Variants in ZSCAN30 observed in about 807,000 individuals in gnomAD.
ZSCAN30 encodes the protein zinc finger and SCAN domain-containing protein 30.
A neutral mutation model predicts 44.3 loss-of-function variants in ZSCAN30; 37 were observed. That is an observed-to-expected ratio of 0.84 (90% CI 0.64 to 1.10). The LOEUF (loss-of-function observed/expected upper bound fraction) is 1.10. ZSCAN30 is among the 50% of genes least tolerant of loss of function. The pLI, the probability that ZSCAN30 is intolerant of heterozygous loss-of-function variation, is 0.00. For missense variants in ZSCAN30, 549 were observed against 582.6 expected, an observed-to-expected ratio of 0.94 and a Z score of 0.59; for synonymous variants, 181 against 204.6, an observed-to-expected ratio of 0.88 and a Z score of 0.98.
chr18:35,280,917 T>C (rs1569083469), intron 1 of ZSCAN30: 1 of 152,234 alleles, frequency 6.6e-6, no homozygotes, highest in South Asian at 2.1e-4. Context: ...CTTGTGAAAA[T>C]TGTTTACACA....
rs376385696 is a variant in ZSCAN30, at chr18:35,253,564, G to C, written c.1371C>G (p.Thr457=). The C allele has an allele frequency of 4.6e-5, 75 of 1,613,836 alleles. No homozygotes were observed. In the African/African-American group the frequency reaches 9.6e-4, roughly 21 times the overall value. ...CTCCAGTGTGAATTCTCTGGTGCTG[G>C]GTGAGGGCTGAGCTCTGATTGAAGG... The part of the protein sequence containing the change: ...GKSFNQSSAL[T]QHQRIHTGEK... The change falls in exon 4 of 4, where the codon ACC becomes ACG. Residue 457 remains threonine, a synonymous_variant. Transcript: ENST00000333206.
intron 3 of ZSCAN30, chr18:35,258,991 T>TA (rs2043943477): frequency 6.6e-6 from 1 of 151,182 alleles, no homozygotes; most frequent in African/African-American, 2.5e-5. Flanking sequence ...ATGAATAAAT[T>TA]AAAGTTGGGA....
At chr18:35,271,659 TC>T (rs1244410945) in intron 1 of ZSCAN30, among the ~76,000 whole-genome samples, 1 of 152,234 alleles carries the variant, frequency 6.6e-6, no homozygotes, top group African/African-American at 2.4e-5. Flanking sequence ...CCTGCACTCC[TC>T]AGCCCTTGGG....
rs559718297 is a variant in ZSCAN30 at position 35,253,327 on chromosome 18, A to C, written c.*123T>G. 4 of 692,572 alleles carry C rather than the reference A, an allele frequency of 5.8e-6. No homozygotes were observed. The South Asian group carries it at 9.7e-5, about 17-fold the overall frequency. 42.9% of individuals were successfully genotyped at this position (692,572 alleles called of 1,614,324 possible). ...AACATCTTTGTGTGCATGTCTTCTT[A>C]TAGTACCGAACTGGGAGGGAAGGAC... On this transcript the variant is annotated 3_prime_UTR_variant, in exon 4 of 4. Coordinates refer to ENST00000333206, the MANE Select transcript of ZSCAN30 (RefSeq NM_001112734.4).
chr18:35,271,865 G>A (rs917427155), intron 1 of ZSCAN30, among the ~76,000 whole-genome samples: 6 of 152,180 alleles, frequency 3.9e-5, no homozygotes, highest in Admixed American at 6.5e-5. Context: ...GGGACCCCGC[G>A]CCCCCTCCGC....
At chr18:35,281,879 G>T (rs2044461685) in intron 1 of ZSCAN30, 1 of 149,638 alleles carries the variant, frequency 6.7e-6, no homozygotes, top group South Asian at 2.1e-4. Flanking sequence ...CATCTGAGCT[G>T]TCAACTTGGA....
At position 35,281,304 on chromosome 18, in the gene ZSCAN30, T is replaced by A. The variant is rs781733217; in HGVS notation, c.-104+8780A>T. On this transcript the variant is annotated intron_variant, in intron 1 of 3. Coordinates refer to ENST00000333206, the MANE Select transcript of ZSCAN30 (RefSeq NM_001112734.4). The stretch of plus-strand genomic sequence containing the variant: ...ACTTCATTGAGAGGAACTTCTTCAG[T>A]GTCAGCTGATATGGACCATAGTTGG... 3.9e-5 allele frequency: 6 copies of A among 152,194 alleles called. No homozygotes were observed. In the East Asian group the frequency reaches 1.2e-3, roughly 29 times the overall value. The allele number at this position is 152,194 out of a possible 1,614,324, so 9.4% of individuals were successfully genotyped here. A position where few individuals can be genotyped will look rare whatever the true frequency, so the allele number is the denominator to read the frequency against.
chr18:35,259,918 C>T (rs8088951), intron 3 of ZSCAN30, among the ~76,000 whole-genome samples: 2,676 of 152,280 alleles, frequency 0.018, 95 homozygotes, highest in African/African-American at 0.062. Flanking sequence ...AGGTTTGTTA[C>T]GTAGGTAAAT....
rs1415787703 is a variant in ZSCAN30 at position 35,253,841 on chromosome 18, G to T, written c.1094C>A (p.Ala365Asp). The change falls in exon 4 of 4, where the codon GCC (alanine) becomes GAC (aspartate). Residue 365 changes from alanine (A) to aspartate (D), a missense_variant. Coordinates refer to ENST00000333206, the MANE Select transcript of ZSCAN30 (RefSeq NM_001112734.4). Reference sequence around the variant, plus strand: ...GATGAGCTCTGAACTGCCCCTGAAGGCTTTTCCACATTCACAACATTCATA... The same window carrying T: ...GATGAGCTCTGAACTGCCCCTGAAGTCTTTTCCACATTCACAACATTCATA... ...KPYECCECGK[A>D]FRGSSELIRH... 6.2e-7 allele frequency: 1 copy of T among 1,613,992 alleles called. No individual in the cohort carries two copies. The highest frequency in any genetic ancestry group is 1.7e-5 in the Admixed American group (1 of 59,986).
chr18:35,251,340 T>C lies in ZSCAN30; in HGVS notation c.*2110A>G, dbSNP rs1330649247. ...AGGAGAAAAACCTATTATATGATAC[T>C]TAAAACATTAAATCTCTGATTGTCA... On this transcript the variant is annotated 3_prime_UTR_variant, in exon 4 of 4. Coordinates refer to ENST00000333206, the MANE Select transcript of ZSCAN30 (RefSeq NM_001112734.4). The C allele has an allele frequency of 1.3e-5, 2 of 152,204 alleles. No homozygotes were observed. The highest frequency in any genetic ancestry group is 3.8e-4 in the East Asian group (2 of 5,200). The allele number at this position is 152,204 out of a possible 1,614,324, so 9.4% of individuals were successfully genotyped here.
chr18:35,257,177 T>C (rs2043857685), intron 3 of ZSCAN30: 4 of 152,274 alleles, frequency 2.6e-5, no homozygotes, highest in Non-Finnish European at 5.9e-5. Flanking sequence ...AATTCCATCC[T>C]GTTTAGTTTA....
Position 35,264,004 on chromosome 18 carries a change from C to T in ZSCAN30, c.349G>A (p.Glu117Lys), listed in dbSNP as rs1454079110. The change falls in exon 2 of 4, where the codon GAG (glutamate) becomes AAG (lysine). Residue 117 changes from glutamate to lysine, a missense_variant. Transcript: ENST00000333206. ...WLREHRPENG[E>K]EAVTMLEELE... ...TCCTCCAGCATAGTCACAGCTTCCT[C>T]TCCATTCTCTGGCCGATGCTCTCGC... is the stretch of plus-strand genomic sequence containing the variant. 1.2e-6 allele frequency: 2 copies of T among 1,614,238 alleles called. No individual in the cohort carries two copies. The highest frequency in any genetic ancestry group is 2.2e-5 in the South Asian group (2 of 91,086).
At chr18:35,276,723 A>G (rs988534470) in intron 1 of ZSCAN30, among the ~76,000 whole-genome samples, 8 of 152,258 alleles carry the variant, frequency 5.3e-5, no homozygotes, top group African/African-American at 1.9e-4. Context: ...CTGCAGGGGC[A>G]GAGTCCTCAT....
chr18:35,254,772 T>A (rs959052089), intron 3 of ZSCAN30, among the ~76,000 whole-genome samples: 1 of 152,170 alleles, frequency 6.6e-6, no homozygotes, highest in Admixed American at 6.5e-5. Context: ...TAAAGAAAGA[T>A]ATCTAAGAGT....
intron 1 of ZSCAN30, among the ~76,000 whole-genome samples, chr18:35,279,718 A>G (rs2044422393): frequency 6.6e-6 from 1 of 152,166 alleles, no homozygotes; most frequent in South Asian, 2.1e-4. Flanking sequence ...TCCAAGTCCT[A>G]TTTTATAAAG....
At chr18:35,258,128 G>A (rs559590634) in intron 3 of ZSCAN30, 5 of 637,032 alleles carry the variant, frequency 7.8e-6, no homozygotes, top group Admixed American at 2.6e-5. Flanking sequence ...TGACCTAGGT[G>A]AAAGCTGTGA....
intron 3 of ZSCAN30, chr18:35,259,181 A>G (rs1288633013): frequency 6.6e-6 from 1 of 152,166 alleles, no homozygotes. Context: ...TGGCTTGCAG[A>G]TGATGGCCAC....
At chr18:35,280,142 G>A (rs2044429876) in intron 1 of ZSCAN30, among the ~76,000 whole-genome samples, 1 of 152,014 alleles carries the variant, frequency 6.6e-6, no homozygotes, top group Non-Finnish European at 1.5e-5. Flanking sequence ...CAGTCATGGT[G>A]GCATGCGCCT....
chr18:35,280,175 T>C (rs762533638), intron 1 of ZSCAN30, among the ~76,000 whole-genome samples: 3 of 149,766 alleles, frequency 2.0e-5, no homozygotes, highest in Admixed American at 6.6e-5. Context: ...ACTTAGAAGG[T>C]TGAGGTGGGA....
Sources: allele counts gnomAD v4.1 joint callset (sites outside exome capture counted in the v4.1 genomes callset), GRCh38; gene constraint gnomAD v4.1.1; transcripts MANE v1.5; gene names NCBI Gene and HGNC (gene_info 2026-07-23, HGNC 2026-07-21).